Variants in SIRPB2 observed in about 807,000 individuals in gnomAD.
SIRPB2 encodes the protein signal regulatory protein beta 2.
A neutral mutation model predicts 27.1 loss-of-function variants in SIRPB2; 18 were observed. The ratio of observed to expected loss-of-function variants is 0.66; its 90% CI spans 0.46 to 0.98. The LOEUF is 0.98. Among genes scored for constraint, SIRPB2 ranks in the 50% least tolerant of loss-of-function variants. The probability of loss-of-function intolerance (pLI) is 0.00; values close to 1 mark genes in which losing one functional copy is unlikely to be tolerated. For synonymous variants in SIRPB2, 150 were observed against 164.6 expected, an observed-to-expected ratio of 0.91 and a Z score of 0.68; for missense variants, 420 against 417.4, an observed-to-expected ratio of 1.01 and a Z score of -0.06.
downstream of SIRPB2, among the ~76,000 whole-genome samples, chr20:1,474,186 C>T (rs1215526451): frequency 6.6e-6 from 1 of 152,186 alleles, no homozygotes; most frequent in Non-Finnish European, 1.5e-5. Flanking sequence ...TCTCAAGATT[C>T]TTAATTTAAT....
chr20:1,471,732 G>C (rs146312562), downstream of SIRPB2, among the ~76,000 whole-genome samples: 126 of 152,306 alleles, frequency 8.3e-4, no homozygotes, highest in African/African-American at 3.0e-3. Flanking sequence ...GCATGCAGCA[G>C]GGCTGCCATC....
chr20:1,485,769 C>A (rs973405569), intron 1 of SIRPB2, among the ~76,000 whole-genome samples: 2 of 151,696 alleles, frequency 1.3e-5, no homozygotes, highest in Non-Finnish European at 1.5e-5. Context: ...ACAGAAAGAA[C>A]CTAAATTATT....
intron 3 of SIRPB2, among the ~76,000 whole-genome samples, 178 bp from the exon 4 acceptor site, chr20:1,477,581 G>C (rs1326865272): frequency 1.3e-5 from 2 of 152,172 alleles, no homozygotes; most frequent in East Asian, 1.9e-4. Flanking sequence ...GCACGTTTAG[G>C]GTATGGACCT....
At chr20:1,482,351 G>C (rs2090679401) in intron 1 of SIRPB2, among the ~76,000 whole-genome samples, 1 of 152,102 alleles carries the variant, frequency 6.6e-6, no homozygotes, top group Admixed American at 6.5e-5. Context: ...CTAACTGTGT[G>C]TTTGTACCCA....
At chr20:1,480,607 A>C (rs2090661928) in intron 1 of SIRPB2, among the ~76,000 whole-genome samples, 1 of 152,188 alleles carries the variant, frequency 6.6e-6, no homozygotes, top group Non-Finnish European at 1.5e-5. Flanking sequence ...AAACATACGC[A>C]TGCAGGGGGA....
intron 1 of SIRPB2, chr20:1,480,433 G>T (rs1005439181): frequency 1.3e-4 from 28 of 208,364 alleles, no homozygotes; most frequent in Admixed American, 1.0e-3. Flanking sequence ...CATCGGCTAG[G>T]ATTGTGTCTC....
Position 1,490,250 on chromosome 20 carries a change from C to T in SIRPB2, c.85+1025G>A, listed in dbSNP as rs550799944. On this transcript the variant is annotated intron_variant, in intron 1 of 4. Transcript: ENST00000359801. ...AATTGAAGTGGTGTCTTGAGTCATA[C>T]GGCCAATGAGTAAGGGAGCACCTAG... is the stretch of plus-strand genomic sequence containing the variant. 3.9e-5 allele frequency among the ~76,000 whole-genome samples: 6 copies of T among 152,274 alleles called. No individual in the cohort carries two copies. The South Asian group carries it at 1.0e-3, about 26-fold the overall frequency.
chr20:1,479,537 G>T, intron 2 of SIRPB2, 163 bp downstream of exon 2: 2 of 1,135,714 alleles, frequency 1.8e-6, no homozygotes, highest in Non-Finnish European at 2.5e-6. Context: ...GACATGAGGA[G>T]TGGAACCACC....
At chr20:1,477,614 C>T (rs6033871) in intron 3 of SIRPB2, among the ~76,000 whole-genome samples, 23,513 of 152,168 alleles carry the variant, frequency 0.15, 3,508 homozygotes, top group African/African-American at 0.39. Flanking sequence ...GCAGTGTCTG[C>T]AGTACTTAGC....
At position 1,476,155 on chromosome 20, in the gene SIRPB2, G is replaced by T. The variant is rs759868818; in HGVS notation, c.*12C>A. ...CTCCAACTCAGAGGGTCCTCACTCT[G>T]GGGCTGACCCCTCACTCTTGACCCT... On this transcript the variant is annotated 3_prime_UTR_variant, in exon 5 of 5. Coordinates refer to ENST00000359801, the MANE Select transcript of SIRPB2 (RefSeq NM_001122962.2). The T allele has an allele frequency of 6.2e-7, 1 of 1,612,388 alleles. No homozygotes were observed. The highest frequency in any genetic ancestry group is 8.5e-7 in the Non-Finnish European group (1 of 1,179,438).
chr20:1,476,459 T>C, intron 4 of SIRPB2, 123 bp from the exon 5 acceptor site: 1 of 1,070,028 alleles, frequency 9.3e-7, no homozygotes, highest in South Asian at 1.8e-5. Flanking sequence ...CTGTATCCTT[T>C]CTACATTGAA....
intron 4 of SIRPB2, chr20:1,476,773 GACCACATCTATC>G: frequency 9.6e-7 from 1 of 1,044,556 alleles, no homozygotes; most frequent in Non-Finnish European, 1.2e-6. Flanking sequence ...AGGCAAATCT[GACCACATCTATC>G]ACAAGCTCCC....
At chr20:1,477,008 T>A in intron 4 of SIRPB2, 1 of 1,272,750 alleles carries the variant, frequency 7.9e-7, no homozygotes, top group South Asian at 1.5e-5. Flanking sequence ...TCCAGGAGGC[T>A]TAGCTACAAA....
intron 1 of SIRPB2, among the ~76,000 whole-genome samples, chr20:1,484,723 C>T (rs1045599092): frequency 6.6e-6 from 1 of 150,800 alleles, no homozygotes; most frequent in Non-Finnish European, 1.5e-5. Context: ...ATAAACAAAC[C>T]ACCACAAATA....
In SIRPB2 at chr20:1,476,110, G is replaced by A. The variant is rs1600000383; in HGVS notation, c.*57C>T. 6.3e-7 allele frequency: 1 copy of A among 1,586,552 alleles called. No homozygotes were observed. Among genetic ancestry groups the A allele is most frequent in the Non-Finnish European group, 8.6e-7 (1 of 1,168,936 alleles). The stretch of plus-strand genomic sequence containing the variant: ...GGCTGGGACTGGAGGTAGGGAAATG[G>A]TTGAGGAGCCCTGGCTCCTCTCCAA... On this transcript the variant is annotated 3_prime_UTR_variant, in exon 5 of 5. Transcript: ENST00000359801.
In SIRPB2 at chr20:1,477,698, G is replaced by A. The variant is rs138099984; in HGVS notation, c.794-295C>T. Among the ~76,000 whole-genome samples, 1,164 of 152,232 alleles carry A rather than the reference G, an allele frequency of 7.6e-3. 9 individuals are homozygous for A. Among genetic ancestry groups the A allele is most frequent in the African/African-American group, 0.026 (1,075 of 41,518 alleles). On this transcript the variant is annotated intron_variant, in intron 3 of 4. Coordinates refer to ENST00000359801, the MANE Select transcript of SIRPB2 (RefSeq NM_001122962.2). ...TATTGTTACTATTATTTTTTGAGAC[G>A]GAGTTTTGCTCTTGTTGCCCAGGCT...
Position 1,477,440 on chromosome 20 carries a change from T to C in SIRPB2, c.794-37A>G, listed in dbSNP as rs748013265. ...AGAGGCTTTGTCATACTTCCCTTTA[T>C]CTTTATCTCCCACCACTTCCTAAGT... On this transcript the variant is annotated intron_variant, in intron 3 of 4. Transcript: ENST00000359801. 3 of 1,581,852 alleles carry C rather than the reference T, an allele frequency of 1.9e-6. No homozygotes were observed. The African/African-American group carries it at 4.1e-5, about 21-fold the overall frequency.
downstream of SIRPB2, among the ~76,000 whole-genome samples, chr20:1,472,355 TG>T (rs2090583273): frequency 6.6e-6 from 1 of 152,178 alleles, no homozygotes; most frequent in African/African-American, 2.4e-5. Flanking sequence ...GCCTCCACCT[TG>T]CTCCCCTGCC....
In SIRPB2 at chr20:1,476,150, A is replaced by T. The variant is rs2090603970; in HGVS notation, c.*17T>A. ...CTCCTCTCCAACTCAGAGGGTCCTC[A>T]CTCTGGGGCTGACCCCTCACTCTTG... On this transcript the variant is annotated 3_prime_UTR_variant, in exon 5 of 5. Transcript: ENST00000359801. 6.2e-7 allele frequency: 1 copy of T among 1,607,700 alleles called. No homozygotes were observed. Among genetic ancestry groups the T allele is most frequent in the East Asian group, 2.2e-5 (1 of 44,726 alleles).
Sources: allele counts gnomAD v4.1 joint callset (sites outside exome capture counted in the v4.1 genomes callset), GRCh38; gene constraint gnomAD v4.1.1; transcripts MANE v1.5; gene names NCBI Gene and HGNC (gene_info 2026-07-23, HGNC 2026-07-21).